Variants in NEK1 observed in about 807,000 individuals in gnomAD.
NEK1 encodes NIMA related kinase 1, also known as serine/threonine-protein kinase Nek1.
A neutral mutation model predicts 182.1 loss-of-function variants in NEK1; 137 were observed. The ratio of observed to expected loss-of-function variants is 0.75; its 90% CI spans 0.65 to 0.87. NEK1 has a LOEUF of 0.87. Among genes scored for constraint, NEK1 ranks in the 40% least tolerant of loss-of-function variants. NEK1 has a pLI of 0.00. For missense variants in NEK1, 1,391 were observed against 1,494.4 expected (o/e 0.93, Z 1.14); for synonymous variants, 513 against 492.2 (o/e 1.04, Z -0.56).
intron 19 of NEK1, among the ~76,000 whole-genome samples, chr4:169,515,394 G>C (rs978330698): frequency 1.3e-5 from 2 of 152,090 alleles, no homozygotes; most frequent in Non-Finnish European, 2.9e-5. Context: ...AGTCTCAACT[G>C]TAATTGTGAA....
chr4:169,580,817 A>G (rs1472744642), intron 11 of NEK1, 25 bp downstream of exon 11: 1 of 1,400,844 alleles, frequency 7.1e-7, no homozygotes, highest in South Asian at 1.2e-5. Context: ...AACAGATGAA[A>G]GGCTTCATAT....
intron 18 of NEK1, among the ~76,000 whole-genome samples, chr4:169,547,296 T>G (rs1760652510): frequency 1.3e-5 from 2 of 152,240 alleles, no homozygotes; most frequent in South Asian, 4.1e-4. Flanking sequence ...TGTTGAATAT[T>G]GACCCCCACT....
At chr4:169,592,501 C>T (rs2150101361) in intron 5 of NEK1, among the ~76,000 whole-genome samples, 1 of 152,000 alleles carries the variant, frequency 6.6e-6, no homozygotes, top group African/African-American at 2.4e-5. Context: ...GCTTATATTC[C>T]ATACCTGAAT....
At chr4:169,481,616 G>C in intron 23 of NEK1, among the ~76,000 whole-genome samples, 1 of 152,008 alleles carries the variant, frequency 6.6e-6, no homozygotes, top group Non-Finnish European at 1.5e-5. Flanking sequence ...CTAACCAGTA[G>C]GTCTCAACAG....
intron 28 of NEK1, among the ~76,000 whole-genome samples, chr4:169,434,631 T>C (rs1738062992): frequency 6.6e-6 from 1 of 152,202 alleles, no homozygotes. Context: ...ACTTCTCTTT[T>C]TCCTTTCCAA....
At chr4:169,601,164 A>G (rs535417544) in intron 4 of NEK1, among the ~76,000 whole-genome samples, 2 of 152,208 alleles carry the variant, frequency 1.3e-5, no homozygotes, top group Non-Finnish European at 2.9e-5. Context: ...TCACATTTTT[A>G]TAAAAGTAGA....
chr4:169,601,963 TTAA>T, intron 4 of NEK1, 42 bp downstream of exon 4: 1 of 1,353,750 alleles, frequency 7.4e-7, no homozygotes, highest in Admixed American at 1.8e-5. Flanking sequence ...AAAAGATTTA[TTAA>T]TGTCTTAGGA....
intron 10 of NEK1, 86 bp downstream of exon 10, chr4:169,585,263 C>G (rs1457844276): frequency 6.9e-6 from 6 of 873,722 alleles, no homozygotes; most frequent in Non-Finnish European, 8.9e-6. Flanking sequence ...CTCCAAGATC[C>G]AGATGTGTTC....
At position 169,424,585 on chromosome 4, in the gene NEK1, A is replaced by T; in HGVS notation, c.3190T>A (p.Ser1064Thr). The T allele has an allele frequency of 6.2e-7, 1 of 1,610,374 alleles. No individual in the cohort carries two copies. The highest frequency in any genetic ancestry group is 8.5e-7 in the Non-Finnish European group (1 of 1,177,130). The change falls in exon 31 of 36, where the codon TCA becomes ACA. Residue 1064 changes from serine to threonine, a missense_variant. This residue lies in a region of NEK1 where 1,216 missense variants were observed against 1,277.6 expected (regional missense o/e 0.95). Transcript: ENST00000507142. The part of the protein sequence containing the change: ...KNKNSLLIGL[S>T]TGLFDANNPK... ...TTGTTTGCATCAAACAGACCAGTTG[A>T]AAGTCCAATCAGCAAGGAATTCTTG... is the stretch of plus-strand genomic sequence containing the variant.
intron 5 of NEK1, among the ~76,000 whole-genome samples, chr4:169,591,663 A>G (rs577895281): frequency 6.6e-6 from 1 of 152,250 alleles, no homozygotes; most frequent in East Asian, 1.9e-4. Flanking sequence ...TTCCAAGTAC[A>G]TGGCATTTTT....
At chr4:169,490,729 C>CA (rs557846605) in intron 23 of NEK1, among the ~76,000 whole-genome samples, 239 of 151,794 alleles carry the variant, frequency 1.6e-3, no homozygotes, top group Non-Finnish European at 2.6e-3. Flanking sequence ...GCAGAGGAAA[C>CA]AATCTGTGAA....
chr4:169,552,722 A>G (rs1009367351), intron 18 of NEK1, among the ~76,000 whole-genome samples: 5 of 152,120 alleles, frequency 3.3e-5, no homozygotes, highest in African/African-American at 1.2e-4. Flanking sequence ...CCTCTCAAAA[A>G]AAGTGATGAT....
intron 27 of NEK1, among the ~76,000 whole-genome samples, chr4:169,458,881 T>A (rs1189279954): frequency 6.8e-6 from 1 of 148,018 alleles, no homozygotes; most frequent in Non-Finnish European, 1.5e-5. Context: ...AGCCACAGAC[T>A]AGGAGAAAAT....
chr4:169,601,695 A>G (rs78357818), intron 4 of NEK1, among the ~76,000 whole-genome samples: 10,859 of 152,164 alleles, frequency 0.071, 1,269 homozygotes, highest in African/African-American at 0.25. Flanking sequence ...GCAATCACTA[A>G]TAACAGCCAG....
chr4:169,432,419 T>C (rs1347455494), intron 29 of NEK1, among the ~76,000 whole-genome samples: 1 of 152,232 alleles, frequency 6.6e-6, no homozygotes, highest in Non-Finnish European at 1.5e-5. Flanking sequence ...AGTCACTTTA[T>C]ATAAAAAGTT....
chr4:169,417,392 A>G (rs977744058), intron 31 of NEK1, among the ~76,000 whole-genome samples: 2 of 152,210 alleles, frequency 1.3e-5, no homozygotes, highest in African/African-American at 4.8e-5. Flanking sequence ...ATTTGACATA[A>G]TTTATAATAC....
chr4:169,559,442 C>T (rs777869834), intron 16 of NEK1, among the ~76,000 whole-genome samples: 42 of 152,208 alleles, frequency 2.8e-4, no homozygotes, highest in Non-Finnish European at 5.3e-4. Context: ...ACTAAAAACA[C>T]TGTATAATCT....
intron 8 of NEK1, 100 bp from the exon 9 acceptor site, chr4:169,587,713 T>C: frequency 3.1e-6 from 2 of 642,696 alleles, no homozygotes; most frequent in East Asian, 3.2e-5. Flanking sequence ...AAATATGTGC[T>C]CCAGAAAAAA....
At chr4:169,575,579 TAG>T (rs1765556130) in intron 12 of NEK1, among the ~76,000 whole-genome samples, 1 of 152,170 alleles carries the variant, frequency 6.6e-6, no homozygotes, top group Non-Finnish European at 1.5e-5. Flanking sequence ...GCATCCCAGC[TAG>T]AGCAGCACCA....
Sources: allele counts gnomAD v4.1 joint callset (sites outside exome capture counted in the v4.1 genomes callset), GRCh38; gene constraint gnomAD v4.1.1; regional missense constraint gnomAD v4.1.1; transcripts MANE v1.5; gene names NCBI Gene and HGNC (gene_info 2026-07-23, HGNC 2026-07-21).